Variants in LRRC7 observed in about 807,000 individuals in gnomAD.
LRRC7 encodes the protein leucine rich repeat containing 7.
A neutral mutation model predicts 175.7 loss-of-function variants in LRRC7; 23 were observed. The ratio of observed to expected loss-of-function variants is 0.13; its 90% CI spans 0.09 to 0.19. The LOEUF (loss-of-function observed/expected upper bound fraction) is 0.19, where lower values mean the gene tolerates loss of function less well. Among genes scored for constraint, LRRC7 ranks in the 10% least tolerant of loss-of-function variants. The pLI, the probability that LRRC7 is intolerant of heterozygous loss-of-function variation, is 1.00. For synonymous variants in LRRC7, 685 were observed against 680.9 expected (o/e 1.01, Z -0.09); for missense variants, 1,354 against 1,904.7 (o/e 0.71, Z 5.38).
chr1:70,113,693 A>G (rs1337161047), intron 26 of LRRC7, among the ~76,000 whole-genome samples: 1 of 151,988 alleles, frequency 6.6e-6, no homozygotes, highest in Admixed American at 6.6e-5. Context: ...TCAGTATAGA[A>G]CAGTTTTCTC....
intron 21 of LRRC7, among the ~76,000 whole-genome samples, chr1:70,040,159 G>T (rs992467139): frequency 6.6e-6 from 1 of 152,160 alleles, no homozygotes; most frequent in Admixed American, 6.5e-5. Flanking sequence ...GATTTTTGTT[G>T]AACCTATAAA....
intron 2 of LRRC7, among the ~76,000 whole-genome samples, chr1:69,749,278 T>C (rs992188592): frequency 3.9e-5 from 6 of 152,204 alleles, no homozygotes; most frequent in African/African-American, 1.4e-4. Context: ...ACAAACCTTC[T>C]CTCAAGGAAT....
At chr1:69,581,448 T>C (rs2100918582) in intron 1 of LRRC7, among the ~76,000 whole-genome samples, 1 of 152,248 alleles carries the variant, frequency 6.6e-6, no homozygotes, top group East Asian at 1.9e-4. Context: ...CAAAAGAAAG[T>C]GTGGTATCAA....
chr1:69,959,535 G>A (rs78354310), intron 8 of LRRC7, among the ~76,000 whole-genome samples: 6,524 of 152,078 alleles, frequency 0.043, 165 homozygotes, highest in South Asian at 0.1. Context: ...GTTATCTTTG[G>A]AATAAGTTAC....
chr1:69,666,958 T>C (rs1658361632), intron 1 of LRRC7, among the ~76,000 whole-genome samples: 2 of 152,132 alleles, frequency 1.3e-5, no homozygotes, highest in Non-Finnish European at 2.9e-5. Context: ...TAAACTTCCT[T>C]CTTGGTACTG....
Position 70,139,416 on chromosome 1 carries a change from A to G in LRRC7, c.*17529A>G, listed in dbSNP as rs1323442460. On this transcript the variant is annotated 3_prime_UTR_variant, in exon 27 of 27. Transcript: ENST00000651989. The stretch of plus-strand genomic sequence containing the variant: ...GTGAAATCTGTCCAGTGTACGTAAC[A>G]CTGCACAAAGAGCATATTTTATTCA... 1 of 152,230 alleles carries G rather than the reference A, an allele frequency of 6.6e-6. No homozygotes were observed. Among genetic ancestry groups the G allele is most frequent in the African/African-American group, 2.4e-5 (1 of 41,470 alleles). 9.4% of individuals were successfully genotyped at this position (152,230 alleles called of 1,614,324 possible). A position where few individuals can be genotyped will look rare whatever the true frequency, so the allele number is the denominator to read the frequency against.
At chr1:69,754,469 CT>C (rs1670184681) in intron 2 of LRRC7, among the ~76,000 whole-genome samples, 1 of 152,000 alleles carries the variant, frequency 6.6e-6, no homozygotes, top group Non-Finnish European at 1.5e-5. Flanking sequence ...TCTTGAGAAA[CT>C]AGGTCAGTGG....
chr1:69,703,702 G>A (rs1164689597), intron 2 of LRRC7, among the ~76,000 whole-genome samples: 1 of 151,958 alleles, frequency 6.6e-6, no homozygotes, highest in Admixed American at 6.6e-5. Context: ...AGTTGTTTAA[G>A]TATGTTTGCC....
Position 70,053,165 on chromosome 1 carries a change from C to G in LRRC7, c.4230+20C>G, listed in dbSNP as rs1660874940. On this transcript the variant is annotated intron_variant, in intron 23 of 26. Transcript: ENST00000651989. ...AAGAAGGTAACCAATTTTTAATTAA[C>G]AAGACAAACCATGAACCTTGCACAA... 1.3e-6 allele frequency: 2 copies of G among 1,591,620 alleles called. No individual in the cohort carries two copies. Among genetic ancestry groups the G allele is most frequent in the African/African-American group, 2.7e-5 (2 of 74,030 alleles).
chr1:69,762,393 G>C (rs548710860), intron 3 of LRRC7, among the ~76,000 whole-genome samples: 1 of 151,968 alleles, frequency 6.6e-6, no homozygotes, highest in Non-Finnish European at 1.5e-5. Context: ...GCAAGTGCTC[G>C]GTGATGTATA....
chr1:69,973,545 A>G (rs531841208), intron 8 of LRRC7, among the ~76,000 whole-genome samples: 1 of 152,102 alleles, frequency 6.6e-6, no homozygotes, highest in Admixed American at 6.6e-5. Context: ...CAAAATATAT[A>G]TTTTCTTTGT....
chr1:69,622,149 G>T (rs992513643), intron 1 of LRRC7, among the ~76,000 whole-genome samples: 1 of 152,104 alleles, frequency 6.6e-6, no homozygotes, highest in African/African-American at 2.4e-5. Flanking sequence ...TGTGACTGTA[G>T]GTGAATATTA....
intron 3 of LRRC7, among the ~76,000 whole-genome samples, chr1:69,767,012 C>T (rs553887017): frequency 4.6e-5 from 7 of 152,294 alleles, no homozygotes; most frequent in African/African-American, 1.2e-4. Flanking sequence ...CTTTGAGAAA[C>T]CGCCCATATC....
intron 8 of LRRC7, among the ~76,000 whole-genome samples, chr1:69,938,269 A>T (rs887772293): frequency 6.6e-6 from 1 of 152,046 alleles, no homozygotes; most frequent in Non-Finnish European, 1.5e-5. Flanking sequence ...AAATTCAGCC[A>T]TCCACAAACT....
At chr1:70,111,563 A>G (rs938383545) in intron 26 of LRRC7, among the ~76,000 whole-genome samples, 1 of 152,178 alleles carries the variant, frequency 6.6e-6, no homozygotes, top group Non-Finnish European at 1.5e-5. Context: ...ATTTATCGTC[A>G]TAGTTTCTTT....
intron 7 of LRRC7, among the ~76,000 whole-genome samples, chr1:69,855,643 T>C (rs970311749): frequency 1.4e-3 from 220 of 151,940 alleles, no homozygotes; most frequent in African/African-American, 1.7e-3. Context: ...CTATTAGGTC[T>C]GCTTGGTGCG....
chr1:69,927,722 A>C (rs1570690820), intron 7 of LRRC7, among the ~76,000 whole-genome samples: 1 of 152,052 alleles, frequency 6.6e-6, no homozygotes, highest in Non-Finnish European at 1.5e-5. Flanking sequence ...AATTTTTTTC[A>C]AAATTTTTAA....
intron 3 of LRRC7, among the ~76,000 whole-genome samples, chr1:69,766,220 G>A (rs1172956083): frequency 2.0e-5 from 3 of 152,074 alleles, no homozygotes; most frequent in Non-Finnish European, 4.4e-5. Flanking sequence ...TTACGCTCAT[G>A]AAGCCAAAAA....
At chr1:69,762,441 T>TTG (rs1671140568) in intron 3 of LRRC7, among the ~76,000 whole-genome samples, 1 of 151,974 alleles carries the variant, frequency 6.6e-6, no homozygotes, top group Non-Finnish European at 1.5e-5. Flanking sequence ...GTAGAGCGTA[T>TTG]GTATAGAGAA....
Sources: allele counts gnomAD v4.1 joint callset (sites outside exome capture counted in the v4.1 genomes callset), GRCh38; gene constraint gnomAD v4.1.1; transcripts MANE v1.5; gene names NCBI Gene and HGNC (gene_info 2026-07-23, HGNC 2026-07-21).